MYH14: variants seen among roughly 807,000 people sequenced by gnomAD.
MYH14 encodes the protein myosin heavy chain 14.
Under a neutral mutation model 255.5 loss-of-function variants are expected in MYH14, and 123 were observed. The observed-to-expected ratio is 0.48, with a 90% CI of 0.42 to 0.56. The LOEUF (loss-of-function observed/expected upper bound fraction) is 0.56, where lower values mean the gene tolerates loss of function less well. Among genes scored for constraint, MYH14 ranks in the 20% least tolerant of loss-of-function variants. The pLI is 0.00. For missense variants in MYH14, 2,423 were observed against 2,802.3 expected, an observed-to-expected ratio of 0.86 and a Z score of 3.06; for synonymous variants, 1,095 against 1,161.2, an observed-to-expected ratio of 0.94 and a Z score of 1.16.
rs2035239299 is a variant in MYH14 at position 50,270,126 on chromosome 19, G to A, written c.3034-1283G>A. Among the ~76,000 whole-genome samples, 3 of 152,338 alleles carry A rather than the reference G, an allele frequency of 2.0e-5. No individual in the cohort carries two copies. The South Asian group carries it at 6.2e-4, about 32-fold the overall frequency. On this transcript the variant is annotated intron_variant, in intron 24 of 42. Transcript: ENST00000642316. ...TTGTCACACTACCCACGAGGCCTGAGGTGGGAGGATCACCTGAGCCCAGGA... is the reference window on the plus strand; with the variant it reads ...TTGTCACACTACCCACGAGGCCTGAAGTGGGAGGATCACCTGAGCCCAGGA...
intron 2 of MYH14, 68 bp from the exon 3 acceptor site, chr19:50,217,547 G>T (rs1161163270): frequency 6.3e-7 from 1 of 1,594,358 alleles, no homozygotes; most frequent in Non-Finnish European, 8.6e-7. Flanking sequence ...GGCCTGCTCA[G>T]CAGCCCCATG....
At chr19:50,289,983 T>TG (rs963695336) in intron 35 of MYH14, among the ~76,000 whole-genome samples, 7 of 152,054 alleles carry the variant, frequency 4.6e-5, no homozygotes, top group Non-Finnish European at 8.8e-5. Context: ...GTTGACCTGT[T>TG]GCTGTACCCA....
rs1326092156 is a variant in MYH14, at chr19:50,271,830, A to G, written c.3172-19A>G. On this transcript the variant is annotated intron_variant, in intron 25 of 42. Coordinates refer to ENST00000642316, the MANE Select transcript of MYH14 (RefSeq NM_001145809.2). The stretch of plus-strand genomic sequence containing the variant: ...GCCCAACTCCTCCTGACTGCCCCCC[A>G]TCCCACTCCACCCCTCAGGAGCGGA... The G allele has an allele frequency of 2.5e-6, 4 of 1,612,334 alleles. No individual in the cohort carries two copies. The highest frequency in any genetic ancestry group is 3.4e-6 in the Non-Finnish European group (4 of 1,179,742).
At chr19:50,247,203 T>C (rs1600931966) in intron 12 of MYH14, 81 bp downstream of exon 12, 1 of 971,258 alleles carries the variant, frequency 1.0e-6, no homozygotes, top group East Asian at 2.6e-5. Flanking sequence ...ATGCTGTTTT[T>C]CCCACCACTC....
intron 37 of MYH14, 82 bp downstream of exon 37, chr19:50,292,471 T>TG (rs1223367852): frequency 1.1e-6 from 1 of 930,858 alleles, no homozygotes; most frequent in Non-Finnish European, 1.3e-6. Flanking sequence ...GATGTGAAGC[T>TG]GGGGAGGTGG....
At chr19:50,243,526 G>A (rs2033975747) in intron 10 of MYH14, among the ~76,000 whole-genome samples, 1 of 152,206 alleles carries the variant, frequency 6.6e-6, no homozygotes, top group South Asian at 2.1e-4. Context: ...CACTCTGGGG[G>A]CTGAGGCAGG....
chr19:50,298,159 C>T lies in MYH14; in HGVS notation c.5470-3502C>T, dbSNP rs571972506. Reference sequence around the variant, plus strand: ...GAAATGTGATTGGACAAAAAGGGTCCGATCTAAACCCAGCGAGGCCTGTCT... The same window carrying T: ...GAAATGTGATTGGACAAAAAGGGTCTGATCTAAACCCAGCGAGGCCTGTCT... On this transcript the variant is annotated intron_variant, in intron 39 of 42. Coordinates refer to ENST00000642316, the MANE Select transcript of MYH14 (RefSeq NM_001145809.2). Among the ~76,000 whole-genome samples, 26 of 152,172 alleles carry T rather than the reference C, an allele frequency of 1.7e-4. 1 individual carries two copies. Among genetic ancestry groups the T allele is most frequent in the Middle Eastern group, 6.8e-3 (2 of 294 alleles).
rs770081188 is a variant in MYH14, at chr19:50,210,598, C to T, written c.233C>T (p.Ala78Val). The change falls in exon 2 of 43, where the codon GCG becomes GTG. Residue 78 changes from alanine to valine, a missense_variant. Ala to Val is a moderately conservative substitution (Grantham distance 64, BLOSUM62 0). Around this residue, in one of 3 missense-constraint regions of MYH14, gnomAD observed 238 missense variants for 245.8 expected, o/e 0.97. Transcript: ENST00000642316. Reference sequence around the variant, plus strand: ...CTGCGGGACGAAGGCGAGGAGGAGGCGGAGGTGGAGCTGGCGGAGAGCGGG... The same window carrying T: ...CTGCGGGACGAAGGCGAGGAGGAGGTGGAGGTGGAGCTGGCGGAGAGCGGG... ...AALRDEGEEEAEVELAESGRR... is the reference protein window; with the variant it reads ...AALRDEGEEEVEVELAESGRR... The T allele has an allele frequency of 1.9e-6, 3 of 1,572,468 alleles. No individual in the cohort carries two copies. Among genetic ancestry groups the T allele is most frequent in the African/African-American group, 1.4e-5 (1 of 74,034 alleles).
chr19:50,265,358 A>AAAAAAC (rs1555770068), intron 22 of MYH14, among the ~76,000 whole-genome samples: 2 of 151,812 alleles, frequency 1.3e-5, no homozygotes, highest in East Asian at 1.9e-4. Context: ...ACAAAAAAAA[A>AAAAAAC]AAAAACAAAA....
intron 2 of MYH14, among the ~76,000 whole-genome samples, chr19:50,212,416 G>C (rs1345854963): frequency 3.3e-5 from 5 of 152,186 alleles, no homozygotes; most frequent in Non-Finnish European, 1.5e-5. Flanking sequence ...TCGAGCACTC[G>C]TGATGTGCCA....
In MYH14 at chr19:50,239,466, G is replaced by T. The variant is rs140503200; in HGVS notation, c.1115-4776G>T. Among the ~76,000 whole-genome samples, 294 of 152,316 alleles carry T rather than the reference G, an allele frequency of 1.9e-3. 1 individual carries two copies. The highest frequency in any genetic ancestry group is 6.9e-3 in the African/African-American group (285 of 41,572). On this transcript the variant is annotated intron_variant, in intron 10 of 42. Transcript: ENST00000642316. ...CATCTGTATCTGGGTCTGTTTCCCT[G>T]CAATTACATTCTAGTTACACGTTTT...
At chr19:50,220,338 AT>A (rs1256614992) in intron 3 of MYH14, among the ~76,000 whole-genome samples, 11 of 149,906 alleles carry the variant, frequency 7.3e-5, no homozygotes, top group Non-Finnish European at 8.9e-5. Context: ...TAATATGCAT[AT>A]TCAATAAGTA....
rs755822330 is a variant in MYH14 at position 50,210,554 on chromosome 19, C to T, written c.189C>T (p.His63=). The change falls in exon 2 of 43, where the codon CAC becomes CAT. Residue 63 remains histidine, a synonymous_variant. Coordinates refer to ENST00000642316, the MANE Select transcript of MYH14 (RefSeq NM_001145809.2). ...TCGTGTGGGTGCCTTCGGAGCTTCA[C>T]GGGTTCGAGGCGGCGGCGCTGCGGG... ...RRLVWVPSEL[H]GFEAAALRDE... 1.3e-6 allele frequency: 2 copies of T among 1,582,818 alleles called. No individual in the cohort carries two copies. The highest frequency in any genetic ancestry group is 2.3e-5 in the South Asian group (2 of 87,168).
In MYH14 at chr19:50,307,041, C is replaced by T. The variant is rs1019880621; in HGVS notation, c.5679-8C>T. 6.5e-7 allele frequency: 1 copy of T among 1,546,908 alleles called. No individual in the cohort carries two copies. Among genetic ancestry groups the T allele is most frequent in the Non-Finnish European group, 8.7e-7 (1 of 1,143,244 alleles). ...TCTACTGAGACTCCTCCTCATCCCT[C>T]TCTTCAGAGAGCGCATCCTCTCTGG... On this transcript the variant is annotated splice_region_variant and splice_polypyrimidine_tract_variant and intron_variant, in intron 40 of 42. Transcript: ENST00000642316.
At chr19:50,255,665 C>T (rs963744667) in intron 17 of MYH14, among the ~76,000 whole-genome samples, 1 of 152,096 alleles carries the variant, frequency 6.6e-6, no homozygotes, top group Admixed American at 6.6e-5. Flanking sequence ...AAGTAACTTG[C>T]TGAGGTCACA....
At chr19:50,234,011 G>A (rs937460801) in intron 10 of MYH14, among the ~76,000 whole-genome samples, 2 of 151,954 alleles carry the variant, frequency 1.3e-5, no homozygotes, top group East Asian at 3.9e-4. Flanking sequence ...GTAGAGACAG[G>A]GTTTCACTAA....
chr19:50,278,517 A>G (rs1465705733), intron 30 of MYH14, among the ~76,000 whole-genome samples: 1 of 151,602 alleles, frequency 6.6e-6, no homozygotes, highest in Non-Finnish European at 1.5e-5. Flanking sequence ...CCTGGGCAAC[A>G]TAGTGAGACC....
At chr19:50,265,776 G>C (rs1016968496) in intron 22 of MYH14, among the ~76,000 whole-genome samples, 3 of 151,942 alleles carry the variant, frequency 2.0e-5, no homozygotes, top group African/African-American at 7.3e-5. Flanking sequence ...AGCCAAGATC[G>C]CACCACTGCA....
chr19:50,264,008 G>C (rs1389770533), intron 22 of MYH14, among the ~76,000 whole-genome samples: 1 of 124,578 alleles, frequency 8.0e-6, no homozygotes, highest in Non-Finnish European at 1.6e-5. Context: ...AGTGAGCCAA[G>C]ATAGTGTCAC....
Sources: allele counts gnomAD v4.1 joint callset (sites outside exome capture counted in the v4.1 genomes callset), GRCh38; gene constraint gnomAD v4.1.1; regional missense constraint gnomAD v4.1.1; transcripts MANE v1.5; gene names NCBI Gene and HGNC (gene_info 2026-07-23, HGNC 2026-07-21).